Variants in VPS35L observed in about 807,000 individuals in gnomAD.
The protein encoded by VPS35L is VPS35 endosomal protein sorting factor like.
In VPS35L, 83 loss-of-function variants were observed where a neutral mutation model predicts 133.0. The ratio of observed to expected loss-of-function variants is 0.62; its 90% CI spans 0.52 to 0.75. VPS35L has a LOEUF of 0.75. Ranked by LOEUF, VPS35L falls within the 30% of genes least tolerant of loss-of-function variation. VPS35L has a pLI of 0.00. For synonymous variants in VPS35L, 423 were observed against 449.9 expected (o/e 0.94, Z 0.76); for missense variants, 1,083 against 1,206.8 (o/e 0.90, Z 1.52).
chr16:19,644,923 T>C lies in VPS35L; in HGVS notation c.1903T>C (p.Tyr635His). The C allele has an allele frequency of 6.2e-7, 1 of 1,601,736 alleles. No homozygotes were observed. The highest frequency in any genetic ancestry group is 2.2e-5 in the East Asian group (1 of 44,792). ...TGAGGATGAGAAAAGAATGCTGTCA[T>C]ATTTGATTAATGGATTTATAAAAAT... ...TLEDEKRMLS[Y>H]LINGFIKMVS... is the part of the protein sequence containing the mutation. Residue 635 changes from tyrosine to histidine, a missense_variant, in exon 23 of 31, where the codon TAT becomes CAT. Physicochemically the swap from Tyr to His is moderately conservative, Grantham distance 83. Transcript: ENST00000417362.
intron 26 of VPS35L, among the ~76,000 whole-genome samples, chr16:19,656,843 G>A (rs540268575): frequency 6.6e-5 from 10 of 152,004 alleles, no homozygotes; most frequent in South Asian, 2.1e-4. Context: ...TGGGGAAGCT[G>A]TAGGAAACTT....
intron 1 of VPS35L, among the ~76,000 whole-genome samples, chr16:19,556,125 C>T (rs1970847217): frequency 6.6e-6 from 1 of 152,150 alleles, no homozygotes; most frequent in African/African-American, 2.4e-5. Context: ...GGAGATCTGG[C>T]TGTTGGTCAG....
chr16:19,613,255 A>G (rs921479343), intron 12 of VPS35L, among the ~76,000 whole-genome samples: 16 of 152,202 alleles, frequency 1.1e-4, no homozygotes, highest in African/African-American at 3.9e-4. Flanking sequence ...GTGAGCCAAG[A>G]TCGCGCCACT....
At chr16:19,686,992 C>T (rs1437291193) in intron 28 of VPS35L, among the ~76,000 whole-genome samples, 2 of 152,160 alleles carry the variant, frequency 1.3e-5, no homozygotes, top group African/African-American at 4.8e-5. Context: ...CAGAGCAAGA[C>T]TCCATCTCAA....
At chr16:19,561,741 G>T (rs79298797) in intron 1 of VPS35L, among the ~76,000 whole-genome samples, 5 of 152,268 alleles carry the variant, frequency 3.3e-5, no homozygotes, top group African/African-American at 1.2e-4. Context: ...GAATTGTCCC[G>T]TGTGCCCAGA....
intron 14 of VPS35L, among the ~76,000 whole-genome samples, chr16:19,623,543 G>T (rs1304896713): frequency 6.6e-6 from 1 of 152,026 alleles, no homozygotes; most frequent in Non-Finnish European, 1.5e-5. Context: ...CCTAGTTTAT[G>T]TGAGGCATAG....
chr16:19,643,771 C>T (rs978501135), intron 22 of VPS35L, among the ~76,000 whole-genome samples: 4 of 150,376 alleles, frequency 2.7e-5, no homozygotes, highest in African/African-American at 1.0e-4. Context: ...CATGGTGAAA[C>T]CCCGTCTCTA....
At chr16:19,689,196 CT>C (rs1368562285) in intron 28 of VPS35L, among the ~76,000 whole-genome samples, 1 of 151,556 alleles carries the variant, frequency 6.6e-6, no homozygotes, top group Non-Finnish European at 1.5e-5. Context: ...CCAGGATGGT[CT>C]TGATCTCTTG....
chr16:19,663,472 A>T (rs1408421064), intron 26 of VPS35L, among the ~76,000 whole-genome samples: 1 of 151,848 alleles, frequency 6.6e-6, no homozygotes, highest in African/African-American at 2.4e-5. Flanking sequence ...CTTTGCAAAG[A>T]TAGGCTCACA....
intron 29 of VPS35L, among the ~76,000 whole-genome samples, chr16:19,693,204 C>T (rs1975760496): frequency 6.6e-6 from 1 of 152,010 alleles, no homozygotes; most frequent in South Asian, 2.1e-4. Context: ...ACTGGTTTAT[C>T]AAACCCGTGA....
chr16:19,677,927 C>A (rs1367599704), intron 27 of VPS35L, among the ~76,000 whole-genome samples: 1 of 152,164 alleles, frequency 6.6e-6, no homozygotes, highest in Non-Finnish European at 1.5e-5. Flanking sequence ...CAAATACTCA[C>A]TCAAAACAAG....
At chr16:19,625,148 T>C (rs781126310) in intron 14 of VPS35L, among the ~76,000 whole-genome samples, 2 of 152,200 alleles carry the variant, frequency 1.3e-5, no homozygotes, top group African/African-American at 2.4e-5. Context: ...AAGAAATGTA[T>C]TGAAGAACGT....
At position 19,699,817 on chromosome 16, in the gene VPS35L, G is replaced by T. The variant is rs534504462; in HGVS notation, c.2793+169G>T. Among the ~76,000 whole-genome samples, 5 of 152,308 alleles carry T rather than the reference G, an allele frequency of 3.3e-5. No homozygotes were observed. The East Asian group carries it at 9.7e-4, about 29-fold the overall frequency. On this transcript the variant is annotated intron_variant, in intron 30 of 30. Transcript: ENST00000417362. This position sits in a 1 kb window ranked among gnomAD's most constrained non-coding sequence, Gnocchi z 4.2. ...TTCCTAGCAGTAAAAAGCAGAGCTG[G>T]CCAGGTGTGGCAGCTCATGCCTATA...
intron 12 of VPS35L, among the ~76,000 whole-genome samples, chr16:19,615,369 G>C (rs968509371): frequency 5.9e-5 from 9 of 152,164 alleles, no homozygotes; most frequent in Admixed American, 5.9e-4. Context: ...AAGAAATCAG[G>C]CTGGGCGTGG....
In VPS35L at chr16:19,699,312, T is replaced by G. The variant is rs1225427996; in HGVS notation, c.2647-190T>G. On this transcript the variant is annotated intron_variant, in intron 29 of 30. Coordinates refer to ENST00000417362, the MANE Select transcript of VPS35L (RefSeq NM_020314.7). The surrounding 1 kb of genome is among the most constrained non-coding windows in gnomAD (Gnocchi z 4.2). ...ATCCCCGCCCTTTGCAGGGGTGACC[T>G]TACTGTCACTTACAGATGAAGCAGC... 1.1e-5 allele frequency: 7 copies of G among 624,882 alleles called. No individual in the cohort carries two copies. The highest frequency in any genetic ancestry group is 4.4e-4 in the Middle Eastern group (1 of 2,256). 38.7% of individuals were successfully genotyped at this position (624,882 alleles called of 1,614,324 possible).
chr16:19,700,327 C>A, intron 30 of VPS35L, 51 bp from the exon 31 acceptor site: 1 of 1,483,140 alleles, frequency 6.7e-7, no homozygotes, highest in South Asian at 1.1e-5. Context: ...GAGCCTTGGG[C>A]TCCAAGGATA....
Position 19,700,603 on chromosome 16 carries a change from GT to G in VPS35L, c.*131del. On this transcript the variant is annotated 3_prime_UTR_variant, in exon 31 of 31. Transcript: ENST00000417362. ...TTTTCTTTTTACATATGTACAAATT[GT>G]TTTAAGCTTTGGCCTCTATCCAGGT... 3.8e-6 allele frequency: 3 copies of G among 780,350 alleles called. No homozygotes were observed. The highest frequency in any genetic ancestry group is 2.1e-6 in the Non-Finnish European group (1 of 481,826). 48.3% of individuals were successfully genotyped at this position (780,350 alleles called of 1,614,324 possible). A position where few individuals can be genotyped will look rare whatever the true frequency, so the allele number is the denominator to read the frequency against.
At chr16:19,676,011 G>A (rs1030416845) in intron 27 of VPS35L, among the ~76,000 whole-genome samples, 1 of 152,104 alleles carries the variant, frequency 6.6e-6, no homozygotes, top group Non-Finnish European at 1.5e-5. Context: ...CAGCACTTTA[G>A]GAGGCCATGG....
At chr16:19,581,860 C>T in intron 7 of VPS35L, 1 of 638,720 alleles carries the variant, frequency 1.6e-6, no homozygotes, top group Non-Finnish European at 2.7e-6. Flanking sequence ...TGCAGCTGCA[C>T]AGGTTGTGCA....
Sources: gnomAD v4.1 joint callset for allele counts (sites outside exome capture counted in the v4.1 genomes callset) on GRCh38, gnomAD v4.1.1 for gene constraint, Gnocchi (gnomAD v3.1) non-coding constraint, MANE v1.5 for transcripts, NCBI Gene and HGNC (gene_info 2026-07-23, HGNC 2026-07-21) for gene names.